INTS7: variants seen among roughly 807,000 people sequenced by gnomAD.
INTS7 encodes the protein chromosome 1 open reading frame 73.
In INTS7, 46 loss-of-function variants were observed where a neutral mutation model predicts 109.2. That is an observed-to-expected ratio of 0.42 (90% CI 0.33 to 0.54). The LOEUF is 0.54. INTS7 is among the 20% of genes least tolerant of loss of function. INTS7 has a pLI of 0.07. For synonymous variants in INTS7, 412 were observed against 402.9 expected, an observed-to-expected ratio of 1.02 and a Z score of -0.27; for missense variants, 929 against 1,132.4, an observed-to-expected ratio of 0.82 and a Z score of 2.58.
chr1:211,964,628 A>G (rs1249124970), intron 16 of INTS7, among the ~76,000 whole-genome samples: 1 of 152,134 alleles, frequency 6.6e-6, no homozygotes, highest in Non-Finnish European at 1.5e-5. Flanking sequence ...AGACACACAG[A>G]CCAATGGAAT....
chr1:211,990,994 T>A (rs1477015022), intron 7 of INTS7, among the ~76,000 whole-genome samples: 1 of 152,114 alleles, frequency 6.6e-6, no homozygotes, highest in Non-Finnish European at 1.5e-5. Flanking sequence ...CTGGCAGTAA[T>A]CCAGGCAGGT....
chr1:212,005,370 C>A (rs1415297020), intron 7 of INTS7, among the ~76,000 whole-genome samples: 2 of 152,140 alleles, frequency 1.3e-5, no homozygotes, highest in African/African-American at 4.8e-5. Flanking sequence ...GGAAGGACCA[C>A]GCAAGGGAAG....
At chr1:212,002,461 G>A (rs1446150865) in intron 7 of INTS7, among the ~76,000 whole-genome samples, 2 of 152,244 alleles carry the variant, frequency 1.3e-5, no homozygotes, top group South Asian at 2.1e-4. Context: ...CCTTAAGAAG[G>A]ACTCAAAGGC....
chr1:212,033,509 TTTTCA>T (rs753342617), intron 1 of INTS7, among the ~76,000 whole-genome samples: 28 of 152,172 alleles, frequency 1.8e-4, no homozygotes, highest in Non-Finnish European at 3.7e-4. Flanking sequence ...ATATAAAATA[TTTTCA>T]TTTCAACTCT....
rs369591610 is a variant in INTS7 at position 211,966,973 on chromosome 1, T to G, written c.2115-475A>C. Among the ~76,000 whole-genome samples the G allele has an allele frequency of 3.7e-4, 56 of 152,260 alleles. 1 individual carries two copies. The South Asian group carries it at 0.011, about 30-fold the overall frequency. On this transcript the variant is annotated intron_variant, in intron 15 of 19. Coordinates refer to ENST00000366994, the MANE Select transcript of INTS7 (RefSeq NM_015434.4). ...CAACTCCCTGAACTTACATGCACAT[T>G]TTGGGTGTCTCTGTATATATGCATT...
rs1278443437 is a variant in INTS7, at chr1:211,966,468, A to G, written c.2145T>C (p.His715=). Residue 715 remains histidine (H), a synonymous_variant, in exon 16 of 20, where the codon CAT becomes CAC. Coordinates refer to ENST00000366994, the MANE Select transcript of INTS7 (RefSeq NM_015434.4). The part of the protein sequence containing the change: ...LQQQSCLLIS[H]AIEALILDPE... ...GATCCAAAATCAGGGCTTCTATTGC[A>G]TGAGATATCAGTAAACAGCTCTGCT... The G allele has an allele frequency of 6.2e-7, 1 of 1,609,892 alleles. No homozygotes were observed. Among genetic ancestry groups the G allele is most frequent in the East Asian group, 2.2e-5 (1 of 44,808 alleles).
chr1:212,026,010 G>A (rs111325718), intron 1 of INTS7, among the ~76,000 whole-genome samples: 23 of 152,174 alleles, frequency 1.5e-4, no homozygotes, highest in African/African-American at 5.1e-4. Context: ...TTAGCCCAGC[G>A]TGATGGCAGG....
chr1:211,965,385 G>A (rs1251223092), intron 16 of INTS7, among the ~76,000 whole-genome samples: 1 of 152,178 alleles, frequency 6.6e-6, no homozygotes, highest in Non-Finnish European at 1.5e-5. Flanking sequence ...GGAAAGCACT[G>A]TGGTGATTCC....
intron 4 of INTS7, among the ~76,000 whole-genome samples, chr1:212,015,884 T>A (rs1303042906): frequency 6.6e-6 from 1 of 151,992 alleles, no homozygotes; most frequent in Non-Finnish European, 1.5e-5. Flanking sequence ...TTTTGATATA[T>A]ATCCTTCTAG....
At chr1:211,951,313 TTGG>T (rs1448527497) in intron 17 of INTS7, among the ~76,000 whole-genome samples, 1 of 151,454 alleles carries the variant, frequency 6.6e-6, no homozygotes, top group East Asian at 2.0e-4. Context: ...GTTTGTTTGG[TTGG>T]TTTTTTTTTG....
rs907021728 is a variant in INTS7, at chr1:212,034,000, T to C, written c.94+1344A>G. The stretch of plus-strand genomic sequence containing the variant: ...CGGGAGGCTGAGGCAGGAGAACCGT[T>C]TGAACTCGGGAGGCGGAGGTTGCAG... On this transcript the variant is annotated intron_variant, in intron 1 of 19. Coordinates refer to ENST00000366994, the MANE Select transcript of INTS7 (RefSeq NM_015434.4). 3.1e-4 allele frequency among the ~76,000 whole-genome samples: 47 copies of C among 152,148 alleles called. 1 individual carries two copies. The highest frequency in any genetic ancestry group is 3.4e-3 in the Middle Eastern group (1 of 294).
chr1:212,012,062 C>T (rs1296721548), intron 4 of INTS7, among the ~76,000 whole-genome samples: 1 of 152,178 alleles, frequency 6.6e-6, no homozygotes, highest in African/African-American at 2.4e-5. Flanking sequence ...GCATCCATTC[C>T]TGCACTGTTA....
intron 16 of INTS7, among the ~76,000 whole-genome samples, chr1:211,962,527 C>T (rs1201959425): frequency 6.6e-6 from 1 of 152,126 alleles, no homozygotes; most frequent in African/African-American, 2.4e-5. Flanking sequence ...ATCAAATGGA[C>T]CTGATAGACA....
chr1:212,013,673 G>A (rs1019326918), intron 4 of INTS7, among the ~76,000 whole-genome samples: 2 of 152,064 alleles, frequency 1.3e-5, no homozygotes, highest in Non-Finnish European at 2.9e-5. Context: ...CCCTATACAG[G>A]AATACCATTT....
intron 13 of INTS7, among the ~76,000 whole-genome samples, chr1:211,971,115 A>T (rs1664146078): frequency 6.6e-6 from 1 of 152,178 alleles, no homozygotes; most frequent in Non-Finnish European, 1.5e-5. Flanking sequence ...GTGTTTCTCT[A>T]CTTGAGTACT....
chr1:211,974,308 T>TATATATATAA (rs1179528621), intron 13 of INTS7, among the ~76,000 whole-genome samples: 15 of 143,712 alleles, frequency 1.0e-4, no homozygotes, highest in East Asian at 8.1e-4. Context: ...TATATATATA[T>TATATATATAA]AAAATACTTC....
chr1:211,992,326 G>T (rs573812731), intron 7 of INTS7, among the ~76,000 whole-genome samples: 1 of 152,060 alleles, frequency 6.6e-6, no homozygotes, highest in Admixed American at 6.6e-5. Flanking sequence ...TATATAAAAT[G>T]ATAATATTAA....
intron 7 of INTS7, among the ~76,000 whole-genome samples, chr1:211,996,242 C>T (rs1269923457): frequency 2.6e-5 from 4 of 151,860 alleles, no homozygotes; most frequent in Admixed American, 6.6e-5. Flanking sequence ...GTGAACCCGG[C>T]GAAACCCCAT....
chr1:212,029,842 A>G (rs1008151599), intron 1 of INTS7, among the ~76,000 whole-genome samples: 2 of 152,240 alleles, frequency 1.3e-5, no homozygotes, highest in African/African-American at 4.8e-5. Context: ...AAACATGAAC[A>G]CAAACATACA....
Sources: gnomAD v4.1 joint callset for allele counts (sites outside exome capture counted in the v4.1 genomes callset) on GRCh38, gnomAD v4.1.1 for gene constraint, MANE v1.5 for transcripts, NCBI Gene and HGNC (gene_info 2026-07-23, HGNC 2026-07-21) for gene names.